Variants in NNT observed in about 807,000 individuals in gnomAD.
NNT encodes the protein NAD(P) transhydrogenase, mitochondrial.
A neutral mutation model predicts 104.8 loss-of-function variants in NNT; 50 were observed. That is an observed-to-expected ratio of 0.48 (90% CI 0.38 to 0.60). NNT has a LOEUF of 0.60. Among genes scored for constraint, NNT ranks in the 20% least tolerant of loss-of-function variants. The pLI is 0.00. For synonymous variants in NNT, 461 were observed against 490.4 expected, an observed-to-expected ratio of 0.94 and a Z score of 0.79; for missense variants, 1,131 against 1,330.7, an observed-to-expected ratio of 0.85 and a Z score of 2.33.
chr5:43,643,017 T>C (rs1287945667), intron 7 of NNT, among the ~76,000 whole-genome samples: 2 of 152,204 alleles, frequency 1.3e-5, no homozygotes, highest in African/African-American at 2.4e-5. Context: ...CTCGAGTTCC[T>C]GGGCTCAAGT....
chr5:43,666,253 G>A (rs564161370), intron 17 of NNT, among the ~76,000 whole-genome samples: 28 of 152,284 alleles, frequency 1.8e-4, no homozygotes, highest in Admixed American at 1.6e-3. Flanking sequence ...GCTGGGAGGG[G>A]GAGGTTGTAG....
intron 17 of NNT, among the ~76,000 whole-genome samples, chr5:43,673,704 A>G (rs911808840): frequency 6.6e-6 from 1 of 152,152 alleles, no homozygotes; most frequent in African/African-American, 2.4e-5. Flanking sequence ...CATGTCAGCT[A>G]GGGATTGTGA....
At chr5:43,656,140 T>A (rs1740033074) in intron 15 of NNT, 67 bp downstream of exon 15, 31 of 1,344,408 alleles carry the variant, frequency 2.3e-5, no homozygotes, top group Non-Finnish European at 3.2e-5. Context: ...TCCATTTTAA[T>A]TTCAGAAAAT....
intron 18 of NNT, among the ~76,000 whole-genome samples, chr5:43,677,427 A>T (rs949856608): frequency 3.3e-4 from 49 of 150,680 alleles, no homozygotes; most frequent in Non-Finnish European, 2.1e-4. Flanking sequence ...AGAGAGAGAG[A>T]CAGAGACAGA....
intron 16 of NNT, among the ~76,000 whole-genome samples, chr5:43,658,528 A>G (rs1740179800): frequency 2.0e-5 from 3 of 152,176 alleles, no homozygotes; most frequent in Admixed American, 6.5e-5. Flanking sequence ...GCTAAACTCA[A>G]ATTCCAAATT....
intron 7 of NNT, among the ~76,000 whole-genome samples, chr5:43,642,046 G>A (rs1296952686): frequency 2.6e-5 from 4 of 152,234 alleles, no homozygotes; most frequent in African/African-American, 9.6e-5. Flanking sequence ...AGCTATGGAT[G>A]TCTCAGGAGA....
intron 19 of NNT, among the ~76,000 whole-genome samples, chr5:43,678,681 G>A (rs1378486497): frequency 1.3e-5 from 2 of 152,124 alleles, no homozygotes; most frequent in Admixed American, 1.3e-4. Flanking sequence ...CCTGTGCCCT[G>A]GTTACTGTTT....
chr5:43,629,818 G>A (rs1750584914), intron 7 of NNT, among the ~76,000 whole-genome samples: 1 of 151,978 alleles, frequency 6.6e-6, no homozygotes, highest in South Asian at 2.1e-4. Context: ...ACTTTTTGAT[G>A]GGATTATTTA....
rs138225497 is a variant in NNT at position 43,680,875 on chromosome 5, C to T, written c.2876+3069C>T. ...AAAGGATTTTATGACAACAATCTTA[C>T]GACGTAAGAGCCACAGATATTTTGT... is the stretch of plus-strand genomic sequence containing the variant. On this transcript the variant is annotated intron_variant, in intron 19 of 21. Transcript: ENST00000344920. 4.0e-3 allele frequency among the ~76,000 whole-genome samples: 608 copies of T among 152,140 alleles called. 2 individuals are homozygous for T. Among genetic ancestry groups the T allele is most frequent in the African/African-American group, 0.013 (537 of 41,490 alleles).
chr5:43,612,763 G>C (rs1749563523), intron 2 of NNT, 145 bp from the exon 3 acceptor site: 1 of 595,474 alleles, frequency 1.7e-6, no homozygotes, highest in South Asian at 2.2e-5. Context: ...TATGAATCAG[G>C]AACATCATTC....
intron 21 of NNT, among the ~76,000 whole-genome samples, chr5:43,703,164 A>C (rs941620789): frequency 3.9e-5 from 6 of 152,220 alleles, no homozygotes; most frequent in African/African-American, 1.4e-4. Context: ...TAGAGTGTCT[A>C]GCAGAAAGGT....
chr5:43,634,249 G>GTT (rs1220629132), intron 7 of NNT, among the ~76,000 whole-genome samples: 2 of 152,084 alleles, frequency 1.3e-5, no homozygotes, highest in Admixed American at 1.3e-4. Context: ...ATGTTGCTTT[G>GTT]TTCTCCATCT....
At chr5:43,640,744 T>G (rs933854608) in intron 7 of NNT, among the ~76,000 whole-genome samples, 6 of 151,444 alleles carry the variant, frequency 4.0e-5, no homozygotes, top group Non-Finnish European at 7.4e-5. Flanking sequence ...GTGTTTTGTT[T>G]TTATTGAAAT....
chr5:43,692,292 A>G (rs534895101), intron 19 of NNT, among the ~76,000 whole-genome samples: 122 of 152,164 alleles, frequency 8.0e-4, no homozygotes, highest in African/African-American at 2.9e-3. Flanking sequence ...TCTTCATCAA[A>G]CTTAACTCCC....
intron 7 of NNT, among the ~76,000 whole-genome samples, chr5:43,629,096 C>T (rs1327744515): frequency 1.3e-5 from 2 of 152,100 alleles, no homozygotes; most frequent in Non-Finnish European, 2.9e-5. Flanking sequence ...GATTTTGGTG[C>T]ACCTGTCACC....
At chr5:43,681,260 A>C (rs1741697570) in intron 19 of NNT, among the ~76,000 whole-genome samples, 1 of 102,202 alleles carries the variant, frequency 9.8e-6, no homozygotes, top group Non-Finnish European at 1.9e-5. Context: ...GCTCCTTCTC[A>C]AAAAAAAAAA....
At chr5:43,610,948 T>C (rs1330049278) in intron 2 of NNT, among the ~76,000 whole-genome samples, 1 of 152,216 alleles carries the variant, frequency 6.6e-6, no homozygotes, top group Admixed American at 6.5e-5. Flanking sequence ...AGATAAGAAG[T>C]CTATTTTTTC....
At chr5:43,632,858 A>G (rs950211320) in intron 7 of NNT, among the ~76,000 whole-genome samples, 7 of 152,210 alleles carry the variant, frequency 4.6e-5, no homozygotes, top group Admixed American at 1.3e-4. Flanking sequence ...GAAACTTTTC[A>G]TAGACATAGA....
At chr5:43,701,725 C>A (rs1317184942) in intron 20 of NNT, among the ~76,000 whole-genome samples, 1 of 152,154 alleles carries the variant, frequency 6.6e-6, no homozygotes, top group Non-Finnish European at 1.5e-5. Context: ...TTCTCCACAG[C>A]CTTGCCAGCG....
Sources: allele counts gnomAD v4.1 joint callset (sites outside exome capture counted in the v4.1 genomes callset), GRCh38; gene constraint gnomAD v4.1.1; transcripts MANE v1.5; gene names NCBI Gene and HGNC (gene_info 2026-07-23, HGNC 2026-07-21).